Variants in NCOA1 observed in about 807,000 individuals in gnomAD.
NCOA1 encodes the protein Hin-2 protein.
NCOA1 carries 35 observed loss-of-function variants against 150.9 expected under a neutral mutation model. That is an observed-to-expected ratio of 0.23 (90% CI 0.18 to 0.31). The LOEUF (loss-of-function observed/expected upper bound fraction) is 0.31, where lower values mean the gene tolerates loss of function less well. Among genes scored for constraint, NCOA1 ranks in the 10% least tolerant of loss-of-function variants. The pLI, the probability that NCOA1 is intolerant of heterozygous loss-of-function variation, is 1.00. For missense variants in NCOA1, 1,491 were observed against 1,749.3 expected, an observed-to-expected ratio of 0.85 and a Z score of 2.63; for synonymous variants, 590 against 630.0, an observed-to-expected ratio of 0.94 and a Z score of 0.95.
At chr2:24,577,218 TACTCA>T (rs1485230636) in intron 2 of NCOA1, among the ~76,000 whole-genome samples, 1 of 145,536 alleles carries the variant, frequency 6.9e-6, no homozygotes, top group Non-Finnish European at 1.6e-5. Flanking sequence ...TGCTTTTCTC[TACTCA>T]AATGAATGAG....
At chr2:24,574,929 T>C (rs1240602695) in intron 2 of NCOA1, among the ~76,000 whole-genome samples, 1 of 152,170 alleles carries the variant, frequency 6.6e-6, no homozygotes. Flanking sequence ...CCCCAATCAC[T>C]GGTTTTCAAC....
chr2:24,551,854 T>G (rs1665844787), intron 1 of NCOA1, among the ~76,000 whole-genome samples: 1 of 152,200 alleles, frequency 6.6e-6, no homozygotes, highest in South Asian at 2.1e-4. Flanking sequence ...GTTTTTGTTT[T>G]TGTTTTGGCA....
At chr2:24,708,305 G>A (rs1184925992) in intron 13 of NCOA1, among the ~76,000 whole-genome samples, 1 of 152,150 alleles carries the variant, frequency 6.6e-6, no homozygotes, top group Admixed American at 6.5e-5. Flanking sequence ...AGGTTACTTA[G>A]TCTGGCTTGT....
Position 24,495,835 on chromosome 2 carries a change from G to A in NCOA1, c.-396+4233G>A, listed in dbSNP as rs553415287. Among the ~76,000 whole-genome samples the A allele has an allele frequency of 2.0e-5, 3 of 152,242 alleles. No individual in the cohort carries two copies. In the South Asian group the frequency reaches 6.2e-4, roughly 32 times the overall value. On this transcript the variant is annotated intron_variant, in intron 1 of 22. Coordinates refer to ENST00000348332, the MANE Select transcript of NCOA1 (RefSeq NM_003743.5). The stretch of plus-strand genomic sequence containing the variant: ...ACTTCAGTTTTTATATTTAAAATTG[G>A]AGTAACGTACTTGTCCTCATATTGT...
At chr2:24,608,853 T>C (rs1007315707) in intron 3 of NCOA1, among the ~76,000 whole-genome samples, 1 of 152,118 alleles carries the variant, frequency 6.6e-6, no homozygotes, top group African/African-American at 2.4e-5. Flanking sequence ...ACCTTGACAG[T>C]CTTGAGGAGT....
rs77368644 is a variant in NCOA1 at position 24,545,170 on chromosome 2, A to G, written c.-395-19125A>G. ...TCTTGGTTTCTAATACCACTCTCCA[A>G]TAGAAAGAACTAAGGCTCCCTGGAA... is the stretch of plus-strand genomic sequence containing the variant. On this transcript the variant is annotated intron_variant, in intron 1 of 22. Transcript: ENST00000348332. Among the ~76,000 whole-genome samples, 276 of 152,310 alleles carry G rather than the reference A, an allele frequency of 1.8e-3. 6 individuals are homozygous for G. The East Asian group carries it at 0.019, about 10-fold the overall frequency.
At chr2:24,506,458 T>G (rs1177375796) in intron 1 of NCOA1, among the ~76,000 whole-genome samples, 1 of 152,146 alleles carries the variant, frequency 6.6e-6, no homozygotes, top group Non-Finnish European at 1.5e-5. Context: ...TCAAAATCAT[T>G]GTGATGACAT....
chr2:24,662,296 C>G (rs1158189966), intron 5 of NCOA1, among the ~76,000 whole-genome samples: 1 of 152,194 alleles, frequency 6.6e-6, no homozygotes, highest in African/African-American at 2.4e-5. Flanking sequence ...TCCATTCATT[C>G]ATTCTTCTAG....
chr2:24,650,188 A>G (rs1229682176), intron 4 of NCOA1, among the ~76,000 whole-genome samples: 3 of 152,118 alleles, frequency 2.0e-5, no homozygotes, highest in Non-Finnish European at 4.4e-5. Flanking sequence ...GATAACTACC[A>G]TCTCAATTTG....
At chr2:24,735,923 T>C (rs564144076) in intron 17 of NCOA1, among the ~76,000 whole-genome samples, 2 of 152,198 alleles carry the variant, frequency 1.3e-5, no homozygotes, top group African/African-American at 4.8e-5. Flanking sequence ...CTGCTGCTTT[T>C]AGAAAATGGT....
intron 15 of NCOA1, among the ~76,000 whole-genome samples, chr2:24,727,330 G>A (rs2148637483): frequency 6.6e-6 from 1 of 152,130 alleles, no homozygotes; most frequent in Non-Finnish European, 1.5e-5. Flanking sequence ...GGGACCTATG[G>A]ATGAATTGGC....
At chr2:24,669,446 G>T (rs377057977) in intron 6 of NCOA1, among the ~76,000 whole-genome samples, 1 of 152,092 alleles carries the variant, frequency 6.6e-6, no homozygotes, top group Non-Finnish European at 1.5e-5. Context: ...TTCTGTTCAC[G>T]TTCCGTTAGG....
At chr2:24,697,060 G>A (rs1672940190) in intron 10 of NCOA1, among the ~76,000 whole-genome samples, 5 of 151,916 alleles carry the variant, frequency 3.3e-5, no homozygotes, top group African/African-American at 2.4e-5. Context: ...TAACAATGGC[G>A]AATCACCACT....
At position 24,500,729 on chromosome 2, in the gene NCOA1, T is replaced by G. The variant is rs551219837; in HGVS notation, c.-396+9127T>G. 2.6e-5 allele frequency among the ~76,000 whole-genome samples: 4 copies of G among 152,332 alleles called. No individual in the cohort carries two copies. In the South Asian group the frequency reaches 8.3e-4, roughly 32 times the overall value. ...ACAAATGTCCCAAGTTTGTTGGTCC[T>G]TTTTGTGAAACGTGGCTATAAGTGC... On this transcript the variant is annotated intron_variant, in intron 1 of 22. Transcript: ENST00000348332.
chr2:24,669,943 G>C (rs1232823707), intron 6 of NCOA1, among the ~76,000 whole-genome samples: 6 of 152,118 alleles, frequency 3.9e-5, no homozygotes, highest in Non-Finnish European at 8.8e-5. Flanking sequence ...TTTGAGACCA[G>C]CCTGGACAAC....
At chr2:24,700,623 AG>A (rs770938926) in intron 11 of NCOA1, among the ~76,000 whole-genome samples, 128 of 152,348 alleles carry the variant, frequency 8.4e-4, no homozygotes, top group Non-Finnish European at 1.9e-4. Context: ...AATGGGTATC[AG>A]GATCACTTGA....
intron 3 of NCOA1, among the ~76,000 whole-genome samples, chr2:24,628,151 T>C (rs557081086): frequency 5.9e-4 from 90 of 152,108 alleles, no homozygotes; most frequent in Non-Finnish European, 1.1e-3. Flanking sequence ...AATACAAAAA[T>C]TAGCTGGGTG....
chr2:24,615,065 CTGATTCCAGAGCA>C (rs954027212), intron 3 of NCOA1, among the ~76,000 whole-genome samples: 33 of 152,220 alleles, frequency 2.2e-4, no homozygotes, highest in African/African-American at 7.5e-4. Context: ...AGTAGTCATT[CTGATTCCAGAGCA>C]TGTAATCTTA....
At chr2:24,731,534 A>G (rs1043415603) in intron 17 of NCOA1, among the ~76,000 whole-genome samples, 1 of 152,220 alleles carries the variant, frequency 6.6e-6, no homozygotes, top group Non-Finnish European at 1.5e-5. Flanking sequence ...TCTGTTTAAA[A>G]AAAGGAAGAT....
Sources: allele counts gnomAD v4.1 joint callset (sites outside exome capture counted in the v4.1 genomes callset), GRCh38; gene constraint gnomAD v4.1.1; transcripts MANE v1.5; gene names NCBI Gene and HGNC (gene_info 2026-07-23, HGNC 2026-07-21).